The following ADORA2B variants were observed in gnomAD, a reference collection of about 807,000 sequenced individuals.
The protein encoded by ADORA2B is adenosine A2b receptor, also known as adenosine receptor A2b.
A neutral mutation model predicts 20.8 loss-of-function variants in ADORA2B; 18 were observed. That is an observed-to-expected ratio of 0.87 (90% confidence interval 0.60 to 1.29). ADORA2B has a LOEUF of 1.29. ADORA2B is among the 50% of genes most tolerant of loss of function. The pLI is 0.00. For missense variants in ADORA2B, 441 were observed against 422.7 expected (o/e 1.04, Z -0.38); for synonymous variants, 179 against 178.3 (o/e 1.00, Z -0.03).
intron 1 of ADORA2B, among the ~76,000 whole-genome samples, chr17:15,965,017 G>A (rs937743764): frequency 3.9e-5 from 6 of 152,132 alleles, no homozygotes; most frequent in Non-Finnish European, 7.3e-5. Context: ...CCGAGATCGT[G>A]CCACTGCGCT....
the ADORA2B span, among the ~76,000 whole-genome samples, chr17:15,915,462 C>T: frequency 6.6e-6 from 1 of 152,184 alleles, no homozygotes; most frequent in Non-Finnish European, 1.5e-5. Flanking sequence ...ATTATTCTGC[C>T]TGCCATAGTC....
the ADORA2B span, among the ~76,000 whole-genome samples, chr17:15,895,482 A>T: frequency 6.6e-6 from 1 of 152,110 alleles, no homozygotes; most frequent in Non-Finnish European, 1.5e-5. Flanking sequence ...TGCACAGCAA[A>T]TCCGGAGCCG....
At chr17:15,969,021 CT>C (rs1254254429) in intron 1 of ADORA2B, among the ~76,000 whole-genome samples, 10 of 152,228 alleles carry the variant, frequency 6.6e-5, no homozygotes, top group Non-Finnish European at 8.8e-5. Flanking sequence ...GGCCCATCTT[CT>C]CACCACTCAA....
At chr17:15,931,888 T>C in the ADORA2B span, among the ~76,000 whole-genome samples, 1 of 151,824 alleles carries the variant, frequency 6.6e-6, no homozygotes, top group South Asian at 2.1e-4. Flanking sequence ...CTCGCTACCA[T>C]GCCCTACTAA....
At chr17:15,903,913 GT>G in the ADORA2B span, among the ~76,000 whole-genome samples, 1 of 151,762 alleles carries the variant, frequency 6.6e-6, no homozygotes, top group Non-Finnish European at 1.5e-5. Flanking sequence ...CTTTTCATAG[GT>G]TTATTTCCCA....
At chr17:15,972,117 C>G (rs557528587) in intron 1 of ADORA2B, among the ~76,000 whole-genome samples, 7 of 152,246 alleles carry the variant, frequency 4.6e-5, no homozygotes, top group Non-Finnish European at 1.0e-4. Context: ...GAGTGGCCAC[C>G]TCTACCTAAG....
the ADORA2B span, among the ~76,000 whole-genome samples, chr17:15,861,371 T>C: frequency 6.6e-6 from 1 of 152,192 alleles, no homozygotes. Context: ...GTAGGCTCTC[T>C]GTCAGTATTT....
upstream of ADORA2B, among the ~76,000 whole-genome samples, chr17:15,942,105 G>A (rs1969750412): frequency 6.6e-6 from 1 of 152,148 alleles, no homozygotes; most frequent in South Asian, 2.1e-4. Context: ...CTGTGCTGGA[G>A]ACTTCCTACT....
chr17:15,872,882 G>A, the ADORA2B span, among the ~76,000 whole-genome samples: 1 of 152,018 alleles, frequency 6.6e-6, no homozygotes. Context: ...TTTCCAATCC[G>A]GATACCCTTT....
chr17:15,871,604 G>A, the ADORA2B span, among the ~76,000 whole-genome samples: 1 of 152,220 alleles, frequency 6.6e-6, no homozygotes, highest in African/African-American at 2.4e-5. Context: ...GTGCTGAACA[G>A]CGGCTTATCT....
At chr17:15,923,019 CTTTTCTTT>C in the ADORA2B span, among the ~76,000 whole-genome samples, 1 of 151,278 alleles carries the variant, frequency 6.6e-6, no homozygotes, top group African/African-American at 2.4e-5. Flanking sequence ...TTTTCTTTTT[CTTTTCTTT>C]TTTTCTTTTT....
chr17:15,871,825 G>A, the ADORA2B span, among the ~76,000 whole-genome samples: 1,232 of 152,230 alleles, frequency 8.1e-3, 10 homozygotes, highest in Non-Finnish European at 0.014. Context: ...TTCCCTTTGC[G>A]TATATGGCTT....
the ADORA2B span, among the ~76,000 whole-genome samples, chr17:15,869,439 ATT>A: frequency 2.0e-5 from 3 of 152,036 alleles, no homozygotes; most frequent in South Asian, 6.2e-4. Context: ...ACAAGTATTT[ATT>A]TTGTTATCGT....
At chr17:15,955,511 A>G (rs935578085) in intron 1 of ADORA2B, among the ~76,000 whole-genome samples, 2 of 151,088 alleles carry the variant, frequency 1.3e-5, no homozygotes, top group Non-Finnish European at 2.9e-5. Flanking sequence ...GGCTCAGGCA[A>G]TTCTCCTGCC....
the ADORA2B span, among the ~76,000 whole-genome samples, chr17:15,877,960 C>G: frequency 4.6e-5 from 7 of 151,972 alleles, no homozygotes; most frequent in African/African-American, 1.7e-4. Flanking sequence ...GTTTTATTTT[C>G]TTTCCTGTTT....
At chr17:15,963,088 A>C (rs1970060488) in intron 1 of ADORA2B, among the ~76,000 whole-genome samples, 1 of 152,182 alleles carries the variant, frequency 6.6e-6, no homozygotes, top group Admixed American at 6.5e-5. Flanking sequence ...CCCTAGCAAT[A>C]AACAGAGGTA....
the ADORA2B span, among the ~76,000 whole-genome samples, chr17:15,918,523 G>C: frequency 6.6e-6 from 1 of 152,316 alleles, no homozygotes; most frequent in Non-Finnish European, 1.5e-5. Flanking sequence ...TCAGGCTGGA[G>C]TGCAGTAGCT....
intron 1 of ADORA2B, among the ~76,000 whole-genome samples, chr17:15,953,010 G>A (rs1363331088): frequency 2.0e-5 from 3 of 152,210 alleles, no homozygotes; most frequent in Non-Finnish European, 4.4e-5. Flanking sequence ...CCAGGCACGG[G>A]CGGGCAGGCT....
At chr17:15,864,450 A>G in the ADORA2B span, among the ~76,000 whole-genome samples, 1 of 151,308 alleles carries the variant, frequency 6.6e-6, no homozygotes, top group Middle Eastern at 3.4e-3. Flanking sequence ...CACCAGGCCA[A>G]AAGAGTTTTC....
Sources: allele counts gnomAD v4.1 joint callset (sites outside exome capture counted in the v4.1 genomes callset), GRCh38; gene constraint gnomAD v4.1.1; transcripts MANE v1.5; gene names NCBI Gene and HGNC (gene_info 2026-07-23, HGNC 2026-07-21).